The following RPAP1 variants were observed in gnomAD, a reference collection of about 807,000 sequenced individuals.
The protein encoded by RPAP1 is RNA polymerase II associated protein 1.
In RPAP1, 109 loss-of-function variants were observed where a neutral mutation model predicts 142.4. The ratio of observed to expected loss-of-function variants is 0.77; its 90% CI spans 0.66 to 0.90. RPAP1 has a LOEUF of 0.90. Among genes scored for constraint, RPAP1 ranks in the 40% least tolerant of loss-of-function variants. RPAP1 has a pLI of 0.00. For synonymous variants in RPAP1, 704 were observed against 738.9 expected, an observed-to-expected ratio of 0.95 and a Z score of 0.77; for missense variants, 1,546 against 1,751.7, an observed-to-expected ratio of 0.88 and a Z score of 2.10.
In RPAP1 at chr15:41,517,695, C is replaced by T. The variant is rs1002248665; in HGVS notation, c.4033-4G>A. On this transcript the variant is annotated splice_region_variant and splice_polypyrimidine_tract_variant and intron_variant, in intron 24 of 24. Transcript: ENST00000304330. ...GCAGGAGGTGCTGCCGGAGACCCTG[C>T]AGAAAGGAAAGAAAACTTATGAAGT... The T allele has an allele frequency of 6.2e-7, 1 of 1,612,194 alleles. No homozygotes were observed. The highest frequency in any genetic ancestry group is 8.5e-7 in the Non-Finnish European group (1 of 1,178,602).
intron 5 of RPAP1, 82 bp from the exon 6 acceptor site, chr15:41,535,017 T>A: frequency 1.5e-6 from 2 of 1,337,162 alleles, no homozygotes; most frequent in Non-Finnish European, 2.1e-6. Flanking sequence ...TATAAGGCTA[T>A]TAGCCCTGGA....
In RPAP1 at chr15:41,531,627, A is replaced by ATTT. The variant is rs150550154; in HGVS notation, c.764-428_764-426dup. On this transcript the variant is annotated intron_variant, in intron 6 of 24. Coordinates refer to ENST00000304330, the MANE Select transcript of RPAP1 (RefSeq NM_015540.4). ...TATATATATATATATATATATATAT[A>ATTT]TTTTTTTTTTTTTTTTTTTTTTTTT... Among the ~76,000 whole-genome samples the ATTT allele has an allele frequency of 3.5e-3, 78 of 21,994 alleles. 2 individuals carry two copies. Among genetic ancestry groups the ATTT allele is most frequent in the African/African-American group, 0.013 (61 of 4,586 alleles). The allele number at this position is 21,994 out of a possible 152,430, so 14.4% of individuals were successfully genotyped here.
At chr15:41,519,118 T>C (rs920100250) in intron 22 of RPAP1, among the ~76,000 whole-genome samples, 10 of 152,204 alleles carry the variant, frequency 6.6e-5, no homozygotes, top group African/African-American at 2.4e-4. Flanking sequence ...TCAGAAACTC[T>C]TGGCCTCAAG....
In RPAP1 at chr15:41,527,366, T is replaced by C. The variant is rs899243766; in HGVS notation, c.1611+57A>G. On this transcript the variant is annotated intron_variant, in intron 12 of 24. Coordinates refer to ENST00000304330, the MANE Select transcript of RPAP1 (RefSeq NM_015540.4). ...GGACCCTGGGCATTGATGGCCCCTCTTTCCAGCATGTGCTTGTCCCCTGGG... is the reference window on the plus strand; with the variant it reads ...GGACCCTGGGCATTGATGGCCCCTCCTTCCAGCATGTGCTTGTCCCCTGGG... 3 of 1,612,848 alleles carry C rather than the reference T, an allele frequency of 1.9e-6. No individual in the cohort carries two copies. In the African/African-American group the frequency reaches 4.0e-5, roughly 22 times the overall value.
In RPAP1 at chr15:41,527,852, T is replaced by C. The variant is rs765193925; in HGVS notation, c.1428+8A>G. On this transcript the variant is annotated splice_region_variant and intron_variant, in intron 11 of 24. Transcript: ENST00000304330. ...CCAGCCCAAGCCCCATTCCTATCCC[T>C]GTGGTACCTCATCTCCAGGAGCCAC... 21 of 1,613,990 alleles carry C rather than the reference T, an allele frequency of 1.3e-5. No homozygotes were observed. Among genetic ancestry groups the C allele is most frequent in the Non-Finnish European group, 1.7e-5 (20 of 1,179,944 alleles).
In RPAP1 at chr15:41,521,879, G is replaced by A. The variant is rs769540286; in HGVS notation, c.2897C>T (p.Ala966Val). 5.0e-6 allele frequency: 8 copies of A among 1,613,524 alleles called. No individual in the cohort carries two copies. The South Asian group carries it at 8.8e-5, about 18-fold the overall frequency. ...GGTGGCTGGCAGTGGCTGCAGCGCT[G>A]CCTGCAGACAGAAAAGCAGGGAACT... ...YLALALAQKA[A>V]ALQPLPATHA... Residue 966 changes from alanine to valine, a missense_variant and splice_region_variant, in exon 21 of 25, where the codon GCA becomes GTA. Transcript: ENST00000304330.
rs1360816535 is a variant in RPAP1 at position 41,537,075 on chromosome 15, G to A, written c.51C>T (p.Phe17=). ...CACCAGCTGCGAGAAACTGACTCTG[G>A]AAGTGCAGCAGGTCCACCTCGGACT... is the stretch of plus-strand genomic sequence containing the variant. ...PGESEVDLLH[F]QSQFLAAGAA... is the part of the protein sequence containing the mutation. The change falls in exon 2 of 25, where the codon TTC becomes TTT. Residue 17 remains phenylalanine, a synonymous_variant. Coordinates refer to ENST00000304330, the MANE Select transcript of RPAP1 (RefSeq NM_015540.4). 1 of 1,614,138 alleles carries A rather than the reference G, an allele frequency of 6.2e-7. No individual in the cohort carries two copies. The highest frequency in any genetic ancestry group is 8.5e-7 in the Non-Finnish European group (1 of 1,180,024).
At chr15:41,528,207 G>T in intron 10 of RPAP1, 28 bp downstream of exon 10, 1 of 1,570,416 alleles carries the variant, frequency 6.4e-7, no homozygotes, top group Non-Finnish European at 8.7e-7. Flanking sequence ...GGGAAGGGTG[G>T]GCAGGACCAG....
At chr15:41,526,852 C>T in intron 14 of RPAP1, 46 bp downstream of exon 14, 1 of 1,553,986 alleles carries the variant, frequency 6.4e-7, no homozygotes, top group Non-Finnish European at 8.7e-7. Flanking sequence ...CCCAACCCAA[C>T]CCTGTCCCAT....
In RPAP1 at chr15:41,529,584, A is replaced by G. The variant is rs776222613; in HGVS notation, c.1060-16T>C. On this transcript the variant is annotated splice_polypyrimidine_tract_variant and intron_variant, in intron 8 of 24. Transcript: ENST00000304330. ...CCTGCATCCTCTAATGGGAAGAGAA[A>G]GAGGACTGTGGTCTGGGGGCTCCAG... The G allele has an allele frequency of 1.9e-6, 3 of 1,582,646 alleles. No homozygotes were observed. In the Admixed American group the frequency reaches 5.1e-5, roughly 27 times the overall value.
chr15:41,525,715 C>T (rs899983895), intron 14 of RPAP1, among the ~76,000 whole-genome samples: 4 of 150,554 alleles, frequency 2.7e-5, no homozygotes, highest in Admixed American at 1.3e-4. Context: ...AGTGCAGTGG[C>T]GCAATCTCGG....
intron 15 of RPAP1, among the ~76,000 whole-genome samples, chr15:41,524,739 G>A (rs1427259739): frequency 3.3e-5 from 5 of 152,152 alleles, no homozygotes; most frequent in Non-Finnish European, 5.9e-5. Context: ...ATCCCAAAGT[G>A]CTGGGATTAC....
chr15:41,526,076 A>G (rs538649683), intron 14 of RPAP1, among the ~76,000 whole-genome samples: 15 of 152,196 alleles, frequency 9.9e-5, no homozygotes, highest in Admixed American at 7.9e-4. Flanking sequence ...CAGCCTCCCA[A>G]GTAGCTGGGA....
At chr15:41,533,838 T>TG (rs2051879808) in intron 6 of RPAP1, among the ~76,000 whole-genome samples, 1 of 127,420 alleles carries the variant, frequency 7.8e-6, no homozygotes, top group Non-Finnish European at 1.6e-5. Flanking sequence ...AAATCCGTCT[T>TG]AAAAAAAAAA....
rs2051911119 is a variant in RPAP1 at position 41,536,588 on chromosome 15, A to G, written c.243T>C (p.Pro81=). The change falls in exon 3 of 25, where the codon CCT becomes CCC. Residue 81 remains proline (P), a synonymous_variant. Coordinates refer to ENST00000304330, the MANE Select transcript of RPAP1 (RefSeq NM_015540.4). ...CCTCATCCTCAGGCAGGCAGTGGCCAGGGCTGGGCCTGGCTCTCTTTGGAG... is the reference window on the plus strand; with the variant it reads ...CCTCATCCTCAGGCAGGCAGTGGCCGGGGCTGGGCCTGGCTCTCTTTGGAG... ...PSPPKRARPS[P]GHCLPEDEDP... 3.7e-6 allele frequency: 6 copies of G among 1,614,154 alleles called. No homozygotes were observed. The highest frequency in any genetic ancestry group is 5.1e-6 in the Non-Finnish European group (6 of 1,180,028).
intron 1 of RPAP1, among the ~76,000 whole-genome samples, chr15:41,540,901 G>C (rs1468968580): frequency 6.6e-6 from 1 of 152,192 alleles, no homozygotes; most frequent in Non-Finnish European, 1.5e-5. Flanking sequence ...ATTCTTTGCT[G>C]TGGGAAGCTG....
chr15:41,529,429 G>T, intron 9 of RPAP1, 41 bp downstream of exon 9: 1 of 1,357,644 alleles, frequency 7.4e-7, no homozygotes, highest in Non-Finnish European at 1.0e-6. Flanking sequence ...CCATGGGGTT[G>T]TTAAAAGAGC....
At chr15:41,524,544 C>T (rs1425176069) in intron 15 of RPAP1, among the ~76,000 whole-genome samples, 4 of 147,008 alleles carry the variant, frequency 2.7e-5, no homozygotes, top group African/African-American at 5.1e-5. Context: ...GGAGTGATCT[C>T]GGCTCACTGC....
rs145878720 is a variant in RPAP1 at position 41,536,316 on chromosome 15, C to T, written c.331-98G>A. The T allele has an allele frequency of 3.6e-4, 487 of 1,351,980 alleles. 1 individual carries two copies. In the African/African-American group the frequency reaches 6.1e-3, roughly 17 times the overall value. 83.7% of individuals were successfully genotyped at this position (1,351,980 alleles called of 1,614,324 possible). On this transcript the variant is annotated intron_variant, in intron 3 of 24. Transcript: ENST00000304330. The stretch of plus-strand genomic sequence containing the variant: ...CCAGTTCTGAACGATGAGAACCTCA[C>T]TCTGGGGGGTTACGGACCCTCCTCC...
Sources: allele counts gnomAD v4.1 joint callset (sites outside exome capture counted in the v4.1 genomes callset), GRCh38; gene constraint gnomAD v4.1.1; transcripts MANE v1.5; gene names NCBI Gene and HGNC (gene_info 2026-07-23, HGNC 2026-07-21).